Variants in DNAH8 observed in about 807,000 individuals in gnomAD.
The protein encoded by DNAH8 is dynein axonemal heavy chain 8.
In DNAH8, 382 loss-of-function variants were observed where a neutral mutation model predicts 562.1. That is an observed-to-expected ratio of 0.68 (90% CI 0.63 to 0.74). The LOEUF is 0.74. Ranked by LOEUF, DNAH8 falls within the 30% of genes least tolerant of loss-of-function variation. DNAH8 has a pLI of 0.00. For synonymous variants in DNAH8, 1,881 were observed against 1,919.4 expected (o/e 0.98, Z 0.52); for missense variants, 5,203 against 5,620.4 (o/e 0.93, Z 2.37).
At chr6:38,866,376 C>A (rs969028974) in intron 45 of DNAH8, among the ~76,000 whole-genome samples, 3 of 151,914 alleles carry the variant, frequency 2.0e-5, no homozygotes, top group African/African-American at 7.3e-5. Context: ...TTGTGTGTGA[C>A]TTTATTAATA....
In DNAH8 at chr6:38,722,910, C is replaced by G. The variant is rs751778628; in HGVS notation, c.101C>G (p.Pro34Arg). Reference protein sequence around the residue: ...APPRSEEEEAPRPPTVEAPAE... With the variant: ...APPRSEEEEARRPPTVEAPAE... The stretch of plus-strand genomic sequence containing the variant: ...CCCCGTTCAGAAGAGGAAGAGGCCC[C>G]GCGCCCTCCGACAGTGGAGGCCCCG... Residue 34 changes from proline to arginine, a missense_variant, in exon 2 of 93, where the codon CCG (proline) becomes CGG (arginine). Coordinates refer to ENST00000327475, the MANE Select transcript of DNAH8 (RefSeq NM_001206927.2). 6.2e-7 allele frequency: 1 copy of G among 1,612,294 alleles called. No homozygotes were observed. Among genetic ancestry groups the G allele is most frequent in the Non-Finnish European group, 8.5e-7 (1 of 1,179,656 alleles).
At chr6:38,950,189 C>CGT (rs10546857) in intron 81 of DNAH8, among the ~76,000 whole-genome samples, 60,612 of 143,816 alleles carry the variant, frequency 0.42, 12,605 homozygotes, top group Middle Eastern at 0.52. Context: ...TGTGTGTCTG[C>CGT]GTGTGTGTGT....
chr6:38,862,285 A>G lies in DNAH8; in HGVS notation c.6137A>G (p.Tyr2046Cys), dbSNP rs200037660. 311 of 1,612,414 alleles carry G rather than the reference A, an allele frequency of 1.9e-4. No homozygotes were observed. Among genetic ancestry groups the G allele is most frequent in the Middle Eastern group, 9.9e-4 (6 of 6,052 alleles). Residue 2046 changes from tyrosine to cysteine, a missense_variant, in exon 44 of 93, where the codon TAT becomes TGT. Physicochemically the swap from Tyr to Cys is radical, Grantham distance 194. This residue lies in a region of DNAH8 where 2,176 missense variants were observed against 2,365.1 expected (regional missense o/e 0.92). Transcript: ENST00000327475. ...TATTGGATGAACATTTGCAGATGCT[A>G]TATCACGTTAGCTCAGGCCTTGGGC... ...LVITPLTDRC[Y>C]ITLAQALGMN...
rs1393728535 is a variant in DNAH8 at position 38,817,606 on chromosome 6, G to A, written c.3523+1949G>A. ...CCCACTCAGGAGTGGCCCTAAAGGA[G>A]AGTGAAAAGGGGAATTCCCCCCAGA... On this transcript the variant is annotated intron_variant, in intron 26 of 92. Transcript: ENST00000327475. Among the ~76,000 whole-genome samples, 3 of 152,326 alleles carry A rather than the reference G, an allele frequency of 2.0e-5. No homozygotes were observed. In the South Asian group the frequency reaches 6.2e-4, roughly 32 times the overall value.
chr6:38,724,244 G>C (rs544527267), intron 3 of DNAH8, among the ~76,000 whole-genome samples: 1 of 152,168 alleles, frequency 6.6e-6, no homozygotes, highest in East Asian at 1.9e-4. Flanking sequence ...GCCTCCCAAA[G>C]TGCTGGGATT....
At chr6:38,954,012 G>A (rs1461140537) in intron 82 of DNAH8, among the ~76,000 whole-genome samples, 1 of 151,984 alleles carries the variant, frequency 6.6e-6, no homozygotes, top group African/African-American at 2.4e-5. Flanking sequence ...GAATTAACCA[G>A]CTACCCGAAA....
chr6:38,934,514 A>G (rs562359783), intron 76 of DNAH8, among the ~76,000 whole-genome samples: 1 of 152,326 alleles, frequency 6.6e-6, no homozygotes, highest in East Asian at 1.9e-4. Context: ...TTTCTGAAGC[A>G]ATTTTCCCAG....
chr6:38,767,498 G>T (rs4279429), intron 11 of DNAH8, among the ~76,000 whole-genome samples: 22,156 of 151,154 alleles, frequency 0.15, 1,956 homozygotes, highest in Non-Finnish European at 0.2. Flanking sequence ...TGTATTTACT[G>T]TCTCTCTTTA....
rs895136259 is a variant in DNAH8 at position 38,857,531 on chromosome 6, G to A, written c.5747G>A (p.Gly1916Glu). 2.5e-6 allele frequency: 4 copies of A among 1,609,004 alleles called. No individual in the cohort carries two copies. The Admixed American group carries it at 5.0e-5, about 20-fold the overall frequency. Residue 1916 changes from glycine to glutamate, a missense_variant, in exon 42 of 93, where the codon GGA becomes GAA. Coordinates refer to ENST00000327475, the MANE Select transcript of DNAH8 (RefSeq NM_001206927.2). ...CTGGATCTGTAGGTTGGACTTCTGGGAATTCAGATGTTGTGGACACACGAT... is the reference window on the plus strand; with the variant it reads ...CTGGATCTGTAGGTTGGACTTCTGGAAATTCAGATGTTGTGGACACACGAT... ...SHFPAQVGLL[G>E]IQMLWTHDSE...
At chr6:38,750,114 A>T (rs988291334) in intron 8 of DNAH8, among the ~76,000 whole-genome samples, 1 of 152,220 alleles carries the variant, frequency 6.6e-6, no homozygotes, top group Non-Finnish European at 1.5e-5. Context: ...TTACAGGCGT[A>T]AGCCACCACG....
chr6:38,736,200 T>C (rs1483382077), intron 5 of DNAH8, among the ~76,000 whole-genome samples: 1 of 152,232 alleles, frequency 6.6e-6, no homozygotes, highest in East Asian at 1.9e-4. Context: ...TTCTGCCTTC[T>C]GACCCTTGTT....
intron 4 of DNAH8, among the ~76,000 whole-genome samples, chr6:38,730,847 C>A (rs140199212): frequency 2.8e-4 from 42 of 152,216 alleles, no homozygotes; most frequent in Non-Finnish European, 5.3e-4. Context: ...AGAGTTATTT[C>A]TTTTCCCTTT....
chr6:38,732,866 G>A (rs1225064453), intron 4 of DNAH8, among the ~76,000 whole-genome samples: 1 of 151,992 alleles, frequency 6.6e-6, no homozygotes, highest in African/African-American at 2.4e-5. Context: ...CTGTGGCTTT[G>A]TGATGTGGAT....
At chr6:38,829,847 A>C (rs966804322) in intron 30 of DNAH8, among the ~76,000 whole-genome samples, 2 of 152,162 alleles carry the variant, frequency 1.3e-5, no homozygotes, top group Admixed American at 6.6e-5. Context: ...TGTGCAACCA[A>C]TCTCCAGAAC....
At chr6:38,871,579 G>C (rs1264911881) in intron 49 of DNAH8, among the ~76,000 whole-genome samples, 1 of 152,036 alleles carries the variant, frequency 6.6e-6, no homozygotes, top group East Asian at 1.9e-4. Context: ...AAAATGTTAG[G>C]AGAATAACTC....
At chr6:38,863,317 C>A (rs1006961037) in intron 44 of DNAH8, among the ~76,000 whole-genome samples, 2 of 107,422 alleles carry the variant, frequency 1.9e-5, no homozygotes, top group Non-Finnish European at 2.1e-5. Flanking sequence ...GTAGTCCCAG[C>A]TACTCAGGAG....
Position 38,894,712 on chromosome 6 carries a change from G to A in DNAH8, c.8595G>A (p.Leu2865=). The A allele has an allele frequency of 6.2e-7, 1 of 1,613,622 alleles. No individual in the cohort carries two copies. Among genetic ancestry groups the A allele is most frequent in the South Asian group, 1.1e-5 (1 of 91,046 alleles). The part of the protein sequence containing the change: ...VLWQWTKVKM[L]PTPSKFHYIF... ...TTTTTCATCTCTAGGTGAAGATGCT[G>A]CCAACTCCTTCTAAATTTCATTACA... is the stretch of plus-strand genomic sequence containing the variant. Residue 2865 remains leucine, a synonymous_variant, in exon 59 of 93, where the codon CTG becomes CTA. Coordinates refer to ENST00000327475, the MANE Select transcript of DNAH8 (RefSeq NM_001206927.2).
At chr6:38,790,574 C>T (rs1284585030) in intron 20 of DNAH8, among the ~76,000 whole-genome samples, 169 bp downstream of exon 20, 7 of 152,062 alleles carry the variant, frequency 4.6e-5, no homozygotes, top group Non-Finnish European at 1.0e-4. Context: ...CCTGTAATCC[C>T]AGCACTTTGG....
At chr6:38,808,918 C>T (rs1385066763) in intron 24 of DNAH8, among the ~76,000 whole-genome samples, 2 of 151,914 alleles carry the variant, frequency 1.3e-5, no homozygotes, top group African/African-American at 4.9e-5. Flanking sequence ...GGGAGGGGAA[C>T]ATCACACACC....
Sources: gnomAD v4.1 joint callset for allele counts (sites outside exome capture counted in the v4.1 genomes callset) on GRCh38, gnomAD v4.1.1 for gene constraint, gnomAD v4.1.1 regional missense constraint, MANE v1.5 for transcripts, NCBI Gene and HGNC (gene_info 2026-07-23, HGNC 2026-07-21) for gene names.